The following XKR4 variants were observed in gnomAD, a reference collection of about 807,000 sequenced individuals.
XKR4 encodes the protein XK-related protein 4.
In XKR4, 12 loss-of-function variants were observed where a neutral mutation model predicts 53.9. That is an observed-to-expected ratio of 0.22 (90% CI 0.14 to 0.36). The LOEUF (loss-of-function observed/expected upper bound fraction) is 0.36, where lower values mean the gene tolerates loss of function less well. Among genes scored for constraint, XKR4 ranks in the 10% least tolerant of loss-of-function variants. XKR4 has a pLI of 1.00. For synonymous variants in XKR4, 354 were observed against 362.4 expected (o/e 0.98, Z 0.26); for missense variants, 799 against 859.5 (o/e 0.93, Z 0.88).
intron 1 of XKR4, among the ~76,000 whole-genome samples, chr8:55,105,376 G>T (rs540023183): frequency 6.6e-6 from 1 of 152,216 alleles, no homozygotes; most frequent in Admixed American, 6.5e-5. Context: ...GGAGAGAAGG[G>T]ATGGAAGGGT....
At chr8:55,416,640 G>C (rs567161016) in intron 2 of XKR4, among the ~76,000 whole-genome samples, 2 of 152,270 alleles carry the variant, frequency 1.3e-5, no homozygotes, top group African/African-American at 4.8e-5. Flanking sequence ...ATCACAAGCA[G>C]GGGGGTGAAA....
chr8:55,499,674 A>C (rs1806406877), intron 2 of XKR4, among the ~76,000 whole-genome samples: 1 of 152,180 alleles, frequency 6.6e-6, no homozygotes, highest in African/African-American at 2.4e-5. Context: ...AAAAGAATTC[A>C]AGGCAACTGA....
chr8:55,164,971 C>T lies in XKR4; in HGVS notation c.806+61677C>T, dbSNP rs557553081. Among the ~76,000 whole-genome samples, 204 of 152,230 alleles carry T rather than the reference C, an allele frequency of 1.3e-3. 2 individuals carry two copies. Among genetic ancestry groups the T allele is most frequent in the South Asian group, 3.5e-3 (17 of 4,814 alleles). On this transcript the variant is annotated intron_variant, in intron 1 of 2. Coordinates refer to ENST00000327381, the MANE Select transcript of XKR4 (RefSeq NM_052898.2). Reference sequence around the variant, plus strand: ...TCCGGATCCATCCTTTGAATTCACTCGGAGGCAAGGTGGTCATTTCTTATC... The same window carrying T: ...TCCGGATCCATCCTTTGAATTCACTTGGAGGCAAGGTGGTCATTTCTTATC...
chr8:55,426,024 T>C (rs1805007767), intron 2 of XKR4, among the ~76,000 whole-genome samples: 1 of 152,170 alleles, frequency 6.6e-6, no homozygotes, highest in Non-Finnish European at 1.5e-5. Flanking sequence ...TCCCTCCTCG[T>C]TCCTCACCAA....
chr8:55,147,312 C>G (rs1028235468), intron 1 of XKR4, among the ~76,000 whole-genome samples: 1 of 152,120 alleles, frequency 6.6e-6, no homozygotes, highest in African/African-American at 2.4e-5. Context: ...CAGCCAGTAG[C>G]CATAAGCAAG....
intron 2 of XKR4, among the ~76,000 whole-genome samples, chr8:55,489,638 C>G (rs1399105079): frequency 6.6e-6 from 1 of 151,616 alleles, no homozygotes; most frequent in Admixed American, 6.6e-5. Context: ...ATATTTTATA[C>G]TAGATCTATT....
chr8:55,193,464 G>T (rs950395825), intron 1 of XKR4, among the ~76,000 whole-genome samples: 1 of 151,968 alleles, frequency 6.6e-6, no homozygotes, highest in South Asian at 2.1e-4. Context: ...CTCTCTATCC[G>T]GCTGAGGCTG....
chr8:55,527,110 TGTG>T lies in XKR4; in HGVS notation c.*2886_*2888del, dbSNP rs1245110638. On this transcript the variant is annotated 3_prime_UTR_variant, in exon 3 of 3. Coordinates refer to ENST00000327381, the MANE Select transcript of XKR4 (RefSeq NM_052898.2). ...AAGCACTACACTGCCATCAGACTGT[TGTG>T]GTAATAACAACTTTTACTTGTTTTC... 1 of 152,230 alleles carries T rather than the reference TGTG, an allele frequency of 6.6e-6. No homozygotes were observed. Among genetic ancestry groups the T allele is most frequent in the Non-Finnish European group, 1.5e-5 (1 of 68,030 alleles). 9.4% of individuals were successfully genotyped at this position (152,230 alleles called of 1,614,324 possible). A position where few individuals can be genotyped will look rare whatever the true frequency, so the allele number is the denominator to read the frequency against.
At chr8:55,206,078 G>C (rs1041328139) in intron 1 of XKR4, among the ~76,000 whole-genome samples, 8 of 152,220 alleles carry the variant, frequency 5.3e-5, no homozygotes, top group African/African-American at 1.7e-4. Flanking sequence ...CAGGAGTGAA[G>C]CTGCAGACCT....
intron 1 of XKR4, among the ~76,000 whole-genome samples, chr8:55,267,466 A>C (rs1242753956): frequency 6.6e-6 from 1 of 152,242 alleles, no homozygotes; most frequent in Non-Finnish European, 1.5e-5. Context: ...TCAAGGCCAC[A>C]GAACAGGTCT....
chr8:55,495,716 C>T (rs143249611), intron 2 of XKR4, among the ~76,000 whole-genome samples: 49 of 152,332 alleles, frequency 3.2e-4, no homozygotes, highest in African/African-American at 1.1e-3. Flanking sequence ...GGGTCCCACC[C>T]AGCTGCGAGA....
chr8:55,308,228 G>A lies in XKR4; in HGVS notation c.807-49450G>A, dbSNP rs1819335023. Among the ~76,000 whole-genome samples the A allele has an allele frequency of 3.9e-5, 6 of 152,226 alleles. No individual in the cohort carries two copies. In the South Asian group the frequency reaches 1.2e-3, roughly 32 times the overall value. Reference sequence around the variant, plus strand: ...AGATCGTGCCATTGTGATCCAGCCTGGGCAACGCAGCAAGACTCCATCTCA... The same window carrying A: ...AGATCGTGCCATTGTGATCCAGCCTAGGCAACGCAGCAAGACTCCATCTCA... On this transcript the variant is annotated intron_variant, in intron 1 of 2. Transcript: ENST00000327381.
At position 55,530,277 on chromosome 8, in the gene XKR4, T is replaced by C. The variant is rs1806932935; in HGVS notation, c.*6050T>C. ...AATTCTGTTTCACTGCCATAATTTTTCCCTAAATTTTATTTAATATCTTGC... is the reference window on the plus strand; with the variant it reads ...AATTCTGTTTCACTGCCATAATTTTCCCCTAAATTTTATTTAATATCTTGC... On this transcript the variant is annotated 3_prime_UTR_variant, in exon 3 of 3. Coordinates refer to ENST00000327381, the MANE Select transcript of XKR4 (RefSeq NM_052898.2). 6.6e-6 allele frequency: 1 copy of C among 152,328 alleles called. No homozygotes were observed. The highest frequency in any genetic ancestry group is 1.9e-4 in the East Asian group (1 of 5,190). The allele number at this position is 152,328 out of a possible 1,614,324, so 9.4% of individuals were successfully genotyped here.
At chr8:55,123,843 G>A (rs1816425832) in intron 1 of XKR4, among the ~76,000 whole-genome samples, 1 of 152,216 alleles carries the variant, frequency 6.6e-6, no homozygotes, top group Non-Finnish European at 1.5e-5. Flanking sequence ...GAGCAAACAA[G>A]TGATGAAATT....
At chr8:55,173,653 G>T (rs1363726348) in intron 1 of XKR4, among the ~76,000 whole-genome samples, 2 of 152,152 alleles carry the variant, frequency 1.3e-5, no homozygotes, top group African/African-American at 4.8e-5. Flanking sequence ...TGAAAAAAGT[G>T]TTGAACTCAC....
At chr8:55,141,553 G>A (rs1413835935) in intron 1 of XKR4, among the ~76,000 whole-genome samples, 2 of 152,064 alleles carry the variant, frequency 1.3e-5, no homozygotes, top group Non-Finnish European at 2.9e-5. Flanking sequence ...GGGAACCCCA[G>A]TGCAGGGACT....
chr8:55,451,528 ACTAC>A (rs1805443277), intron 2 of XKR4: 1 of 1,034,128 alleles, frequency 9.7e-7, no homozygotes, highest in Non-Finnish European at 1.4e-6. Flanking sequence ...AAAGAGTCCG[ACTAC>A]ACCTATGCCG....
intron 1 of XKR4, among the ~76,000 whole-genome samples, chr8:55,118,071 A>G (rs1816334608): frequency 6.6e-6 from 1 of 152,202 alleles, no homozygotes. Flanking sequence ...CTTATTGAAT[A>G]TCTGCGTGTG....
chr8:55,412,095 G>C (rs1357325145), intron 2 of XKR4, among the ~76,000 whole-genome samples: 1 of 152,142 alleles, frequency 6.6e-6, no homozygotes, highest in Non-Finnish European at 1.5e-5. Flanking sequence ...AGCAGGAAAG[G>C]GGCATCAGGG....
Sources: gnomAD v4.1 joint callset for allele counts (sites outside exome capture counted in the v4.1 genomes callset) on GRCh38, gnomAD v4.1.1 for gene constraint, MANE v1.5 for transcripts, NCBI Gene and HGNC (gene_info 2026-07-23, HGNC 2026-07-21) for gene names.